The following SULF1 variants were observed in gnomAD, a reference collection of about 807,000 sequenced individuals.
The protein encoded by SULF1 is extracellular sulfatase Sulf-1.
Under a neutral mutation model 110.5 loss-of-function variants are expected in SULF1, and 46 were observed. The ratio of observed to expected loss-of-function variants is 0.42; its 90% confidence interval spans 0.33 to 0.53. The LOEUF (loss-of-function observed/expected upper bound fraction) is 0.53, where lower values mean the gene tolerates loss of function less well. SULF1 is among the 20% of genes least tolerant of loss of function. SULF1 has a pLI of 0.12. For synonymous variants in SULF1, 371 were observed against 387.1 expected (o/e 0.96, Z 0.49); for missense variants, 941 against 1,094.2 (o/e 0.86, Z 1.98).
At chr8:69,531,721 A>AT (rs1192112489) in intron 3 of SULF1, among the ~76,000 whole-genome samples, 2 of 152,164 alleles carry the variant, frequency 1.3e-5, no homozygotes, top group Admixed American at 6.6e-5. Flanking sequence ...CCACAGAAGT[A>AT]TTTTTTTATT....
chr8:69,533,723 T>C (rs1034665596), intron 3 of SULF1, among the ~76,000 whole-genome samples: 2 of 152,192 alleles, frequency 1.3e-5, no homozygotes, highest in African/African-American at 2.4e-5. Context: ...TACTCGTGTA[T>C]GTATCTATTG....
chr8:69,548,448 C>CTTTTT (rs11420223), intron 3 of SULF1, among the ~76,000 whole-genome samples: 1 of 138,726 alleles, frequency 7.2e-6, no homozygotes, highest in Non-Finnish European at 1.6e-5. Flanking sequence ...TGGATGTTAA[C>CTTTTT]TTTTTTTTTT....
intron 3 of SULF1, among the ~76,000 whole-genome samples, chr8:69,559,781 A>AT (rs145776278): frequency 0.026 from 4,011 of 152,304 alleles, 203 homozygotes; most frequent in African/African-American, 0.091. Flanking sequence ...TGAACCTCTT[A>AT]TCTCAGAAAA....
intron 3 of SULF1, among the ~76,000 whole-genome samples, chr8:69,532,370 C>T (rs372712328): frequency 6.6e-6 from 1 of 151,922 alleles, no homozygotes; most frequent in East Asian, 1.9e-4. Flanking sequence ...GGAGAGAACC[C>T]TTCAATTCTT....
intron 22 of SULF1, among the ~76,000 whole-genome samples, chr8:69,645,549 C>T (rs1169023331): frequency 6.6e-6 from 1 of 152,180 alleles, no homozygotes; most frequent in Non-Finnish European, 1.5e-5. Flanking sequence ...GTGCCTTGAC[C>T]AGAAATATAT....
intron 5 of SULF1, among the ~76,000 whole-genome samples, chr8:69,572,821 T>G (rs1019683240): frequency 2.0e-5 from 3 of 152,136 alleles, no homozygotes; most frequent in Admixed American, 6.5e-5. Flanking sequence ...TCAAGCCAGA[T>G]TCCCACTTTT....
At chr8:69,618,378 C>G (rs1042550599) in intron 13 of SULF1, among the ~76,000 whole-genome samples, 8 of 152,162 alleles carry the variant, frequency 5.3e-5, no homozygotes, top group Non-Finnish European at 8.8e-5. Flanking sequence ...TGATTATTCC[C>G]TGAACAATAC....
intron 3 of SULF1, among the ~76,000 whole-genome samples, chr8:69,512,930 T>G (rs1811674373): frequency 6.6e-6 from 1 of 152,196 alleles, no homozygotes; most frequent in Admixed American, 6.5e-5. Context: ...CTTAACTTAT[T>G]ATTATTAACA....
At position 69,496,840 on chromosome 8, in the gene SULF1, G is replaced by A. The variant is rs533467268; in HGVS notation, c.-229+914G>A. Among the ~76,000 whole-genome samples, 14 of 152,346 alleles carry A rather than the reference G, an allele frequency of 9.2e-5. No homozygotes were observed. The South Asian group carries it at 2.9e-3, about 32-fold the overall frequency. ...TTTAAAGAGTGGATAGTTCGCAGCTGTGAAGTTCCCCAGACACCTGAGTCC... is the reference window on the plus strand; with the variant it reads ...TTTAAAGAGTGGATAGTTCGCAGCTATGAAGTTCCCCAGACACCTGAGTCC... On this transcript the variant is annotated intron_variant, in intron 2 of 22. Transcript: ENST00000402687.
At chr8:69,502,690 C>CTTTTTTTTTTTTTTT (rs765285613) in intron 3 of SULF1, among the ~76,000 whole-genome samples, 1 of 125,912 alleles carries the variant, frequency 7.9e-6, no homozygotes, top group Non-Finnish European at 1.7e-5. Context: ...CTTTTTTTTT[C>CTTTTTTTTTTTTTTT]TTTTTTTTTT....
At chr8:69,467,654 G>A (rs2583088) in intron 1 of SULF1, among the ~76,000 whole-genome samples, 44,200 of 152,144 alleles carry the variant, frequency 0.29, 6,634 homozygotes, top group African/African-American at 0.34. Flanking sequence ...AGATCTGTTT[G>A]TGAAAGTTTT....
At chr8:69,559,860 C>A (rs560360144) in intron 3 of SULF1, among the ~76,000 whole-genome samples, 141 of 152,130 alleles carry the variant, frequency 9.3e-4, no homozygotes, top group Non-Finnish European at 1.3e-3. Flanking sequence ...TTTACTGCTT[C>A]ATCTTAAGTG....
chr8:69,598,127 G>C (rs959208888), intron 8 of SULF1, among the ~76,000 whole-genome samples: 2 of 152,078 alleles, frequency 1.3e-5, no homozygotes, highest in African/African-American at 2.4e-5. Context: ...AAAAAAAGGG[G>C]GGGACCATTT....
intron 3 of SULF1, among the ~76,000 whole-genome samples, chr8:69,556,067 C>T (rs751973765): frequency 3.9e-5 from 6 of 151,962 alleles, no homozygotes; most frequent in Non-Finnish European, 8.8e-5. Context: ...TATGTTTCTT[C>T]GTTACTTGAG....
At chr8:69,500,193 C>T (rs1810694840) in intron 2 of SULF1, among the ~76,000 whole-genome samples, 1 of 152,154 alleles carries the variant, frequency 6.6e-6, no homozygotes, top group South Asian at 2.1e-4. Flanking sequence ...TAAAAAAAAT[C>T]AGTCCAAGTA....
chr8:69,519,771 G>A (rs368880583), intron 3 of SULF1, among the ~76,000 whole-genome samples: 5 of 152,044 alleles, frequency 3.3e-5, no homozygotes, highest in Admixed American at 6.6e-5. Context: ...AAAGGACTAC[G>A]GTGGCTTTTA....
chr8:69,604,983 A>T, intron 13 of SULF1, 51 bp downstream of exon 13: 2 of 1,595,774 alleles, frequency 1.3e-6, no homozygotes, highest in Non-Finnish European at 8.5e-7. Flanking sequence ...CTCCATCTCT[A>T]ATTTAGAAAA....
intron 22 of SULF1, among the ~76,000 whole-genome samples, chr8:69,649,638 C>A (rs1371726613): frequency 2.0e-5 from 3 of 152,078 alleles, no homozygotes; most frequent in African/African-American, 7.2e-5. Context: ...AGAGTGCATG[C>A]CAGTTATTTT....
At chr8:69,574,179 A>C (rs564960044) in intron 5 of SULF1, among the ~76,000 whole-genome samples, 2 of 152,308 alleles carry the variant, frequency 1.3e-5, no homozygotes, top group South Asian at 2.1e-4. Flanking sequence ...TGTCTTTGAC[A>C]CAGAACATAA....
Sources: gnomAD v4.1 joint callset for allele counts (sites outside exome capture counted in the v4.1 genomes callset) on GRCh38, gnomAD v4.1.1 for gene constraint, MANE v1.5 for transcripts, NCBI Gene and HGNC (gene_info 2026-07-23, HGNC 2026-07-21) for gene names.